PLEKHB1: variants seen among roughly 807,000 people sequenced by gnomAD.
The protein encoded by PLEKHB1 is pleckstrin homology domain containing B1.
In PLEKHB1, 29 loss-of-function variants were observed where a neutral mutation model predicts 36.2. That is an observed-to-expected ratio of 0.80 (90% confidence interval 0.60 to 1.09). The LOEUF (loss-of-function observed/expected upper bound fraction) is 1.09, where lower values mean the gene tolerates loss of function less well. PLEKHB1 is among the 50% of genes least tolerant of loss of function. The pLI is 0.00. For missense variants in PLEKHB1, 330 were observed against 348.2 expected, an observed-to-expected ratio of 0.95 and a Z score of 0.42; for synonymous variants, 138 against 140.0, an observed-to-expected ratio of 0.99 and a Z score of 0.10.
chr11:73,661,478 C>T lies in PLEKHB1; in HGVS notation c.608C>T (p.Thr203Met), dbSNP rs1247611215. Reference sequence around the variant, plus strand: ...TCTCCCTCTGCAGGCCCTGGCGTGACGCACGTGATAGTGCGGGAGGATCCC... The same window carrying T: ...TCTCCCTCTGCAGGCCCTGGCGTGATGCACGTGATAGTGCGGGAGGATCCC... Reference protein sequence around the residue: ...YGPPYAGPGVTHVIVREDPCY... With the variant: ...YGPPYAGPGVMHVIVREDPCY... The change falls in exon 8 of 8, where the codon ACG (threonine) becomes ATG (methionine). Residue 203 changes from threonine to methionine, a missense_variant. By Grantham distance (81) the Thr-to-Met change is moderately conservative. Transcript: ENST00000354190. The surrounding 1 kb of genome is among the most constrained non-coding windows in gnomAD (Gnocchi z 4.6). 66 of 1,613,816 alleles carry T rather than the reference C, an allele frequency of 4.1e-5. No individual in the cohort carries two copies. The highest frequency in any genetic ancestry group is 5.5e-5 in the Non-Finnish European group (65 of 1,179,776).
At chr11:73,654,481 C>G (rs925477270) in intron 5 of PLEKHB1, among the ~76,000 whole-genome samples, 12 of 152,182 alleles carry the variant, frequency 7.9e-5, no homozygotes, top group African/African-American at 2.9e-4. Flanking sequence ...TCCAACAACC[C>G]TGGCAGGGCA....
rs1327282691 is a variant in PLEKHB1 at position 73,650,757 on chromosome 11, C to G, written c.247+52C>G. 3.3e-6 allele frequency: 5 copies of G among 1,507,950 alleles called. No individual in the cohort carries two copies. The African/African-American group carries it at 7.0e-5, about 21-fold the overall frequency. 93.4% of individuals were successfully genotyped at this position (1,507,950 alleles called of 1,614,324 possible). Reference sequence around the variant, plus strand: ...CACCGTGACTGTGGGCAGAGCCTCCCGCTGTCTCCGAGAACACTTGCTGTT... The same window carrying G: ...CACCGTGACTGTGGGCAGAGCCTCCGGCTGTCTCCGAGAACACTTGCTGTT... On this transcript the variant is annotated intron_variant, in intron 3 of 7. Coordinates refer to ENST00000354190, the MANE Select transcript of PLEKHB1 (RefSeq NM_021200.3).
Position 73,661,572 on chromosome 11 carries a change from C to T in PLEKHB1, c.702C>T (p.Gly234=), listed in dbSNP as rs774786302. Residue 234 remains glycine, a synonymous_variant, in exon 8 of 8, where the codon GGC becomes GGT. Coordinates refer to ENST00000354190, the MANE Select transcript of PLEKHB1 (RefSeq NM_021200.3). The surrounding 1 kb of genome is among the most constrained non-coding windows in gnomAD (Gnocchi z 4.6). ...GAGCCGCCACTGGGGCGGCGCTGGGCTCGCTCATGTGGTCGCCCTGCTGGT... is the reference window on the plus strand; with the variant it reads ...GAGCCGCCACTGGGGCGGCGCTGGGTTCGCTCATGTGGTCGCCCTGCTGGT... ...LAGAATGAAL[G]SLMWSPCWF 1.1e-5 allele frequency: 17 copies of T among 1,604,246 alleles called. No individual in the cohort carries two copies. In the African/African-American group the frequency reaches 1.6e-4, roughly 15 times the overall value.
At chr11:73,648,755 A>C in intron 1 of PLEKHB1, 1 of 1,245,594 alleles carries the variant, frequency 8.0e-7, no homozygotes, top group Non-Finnish European at 1.0e-6. Flanking sequence ...GGCCAAAGTT[A>C]CCAAGCTGAG....
At chr11:73,654,777 C>T (rs36096952) in intron 5 of PLEKHB1, among the ~76,000 whole-genome samples, 7,160 of 152,216 alleles carry the variant, frequency 0.047, 248 homozygotes, top group South Asian at 0.1. Flanking sequence ...ATTCATGAGG[C>T]GAATGAAACA....
In PLEKHB1 at chr11:73,653,003, A is replaced by C; in HGVS notation, c.379A>C (p.Asn127His). The stretch of plus-strand genomic sequence containing the variant: ...ATGGAAGACAGCACTGCTGGAGGCA[A>C]ACTCCACCCCGGTGAGTCTCCCGTT... The part of the protein sequence containing the change: ...LAWKTALLEA[N>H]STPAPAGATV... The change falls in exon 5 of 8, where the codon AAC becomes CAC. Residue 127 changes from asparagine (N) to histidine (H), a missense_variant. By Grantham distance (68) the Asn-to-His change is moderately conservative. Coordinates refer to ENST00000354190, the MANE Select transcript of PLEKHB1 (RefSeq NM_021200.3). 6.2e-7 allele frequency: 1 copy of C among 1,609,614 alleles called. No individual in the cohort carries two copies. Among genetic ancestry groups the C allele is most frequent in the Non-Finnish European group, 8.5e-7 (1 of 1,176,942 alleles).
In PLEKHB1 at chr11:73,661,736, C is replaced by A; in HGVS notation, c.*134C>A. On this transcript the variant is annotated 3_prime_UTR_variant, in exon 8 of 8. Transcript: ENST00000354190. The surrounding 1 kb of genome is among the most constrained non-coding windows in gnomAD (Gnocchi z 4.6). ...TCCATTAGCTCCTTCCGGGTTTGGA[C>A]CATTCCCCCCACTCCCTACCCTTAA... 8.9e-7 allele frequency: 1 copy of A among 1,118,430 alleles called. No individual in the cohort carries two copies. Among genetic ancestry groups the A allele is most frequent in the Non-Finnish European group, 1.2e-6 (1 of 800,540 alleles). 69.3% of individuals were successfully genotyped at this position (1,118,430 alleles called of 1,614,324 possible).
intron 1 of PLEKHB1, chr11:73,647,781 T>C (rs1179776407): frequency 2.0e-6 from 2 of 982,904 alleles, no homozygotes; most frequent in Non-Finnish European, 2.4e-6. Context: ...AGTCTGCACC[T>C]GACCCTCTTG....
At chr11:73,659,932 A>G (rs1945069823) in intron 6 of PLEKHB1, among the ~76,000 whole-genome samples, 1 of 152,184 alleles carries the variant, frequency 6.6e-6, no homozygotes, top group Admixed American at 6.5e-5. Flanking sequence ...GCAGCCTAAC[A>G]ATTTTGGGTC....
intron 6 of PLEKHB1, among the ~76,000 whole-genome samples, chr11:73,658,840 C>T (rs1482199925): frequency 6.6e-6 from 1 of 152,204 alleles, no homozygotes; most frequent in Admixed American, 6.5e-5. Context: ...TGGTCTTGAA[C>T]TCCTGCATTC....
At chr11:73,649,222 C>A in intron 2 of PLEKHB1, 135 bp downstream of exon 2, 1 of 1,135,402 alleles carries the variant, frequency 8.8e-7, no homozygotes, top group Non-Finnish European at 1.2e-6. Flanking sequence ...TTCCCTCTGC[C>A]TGAAGGTCCT....
At chr11:73,650,756 C>A in intron 3 of PLEKHB1, 51 bp downstream of exon 3, 5 of 1,508,088 alleles carry the variant, frequency 3.3e-6, no homozygotes, top group Non-Finnish European at 4.4e-6. Flanking sequence ...GCAGAGCCTC[C>A]CGCTGTCTCC....
At position 73,647,587 on chromosome 11, in the gene PLEKHB1, G is replaced by T. The variant is rs1034654977; in HGVS notation, c.18+961G>T. 136 of 985,548 alleles carry T rather than the reference G, an allele frequency of 1.4e-4. 1 individual carries two copies. In the African/African-American group the frequency reaches 2.2e-3, roughly 16 times the overall value. 61.1% of individuals were successfully genotyped at this position (985,548 alleles called of 1,614,324 possible). On this transcript the variant is annotated intron_variant, in intron 1 of 7. Coordinates refer to ENST00000354190, the MANE Select transcript of PLEKHB1 (RefSeq NM_021200.3). ...GGGGTGGGCAGGTCCGGAGGGCGGG[G>T]CCCGGGGGCAGCTGGGCTCTCAGGC... is the stretch of plus-strand genomic sequence containing the variant.
At position 73,661,410 on chromosome 11, in the gene PLEKHB1, A is replaced by G; in HGVS notation, c.596-56A>G. 6.3e-7 allele frequency: 1 copy of G among 1,592,394 alleles called. No homozygotes were observed. Among genetic ancestry groups the G allele is most frequent in the Non-Finnish European group, 8.6e-7 (1 of 1,161,576 alleles). ...CTGGAGTGATGCAGGAAGGGTACGA[A>G]GATCACTCTACTCCCTCCTAAGTCG... On this transcript the variant is annotated intron_variant, in intron 7 of 7. Transcript: ENST00000354190. The surrounding 1 kb of genome is among the most constrained non-coding windows in gnomAD (Gnocchi z 4.6).
At chr11:73,657,851 G>T (rs140320829) in intron 6 of PLEKHB1, among the ~76,000 whole-genome samples, 2 of 152,184 alleles carry the variant, frequency 1.3e-5, no homozygotes, top group African/African-American at 4.8e-5. Context: ...AGGGAGCACC[G>T]TAGAGTTCAC....
Position 73,648,016 on chromosome 11 carries a change from T to C in PLEKHB1, c.19-996T>C, listed in dbSNP as rs623595. 0.025 allele frequency: 24,527 copies of C among 982,110 alleles called. 4,471 individuals carry two copies. In the African/African-American group the frequency reaches 0.39, roughly 16 times the overall value. 60.8% of individuals were successfully genotyped at this position (982,110 alleles called of 1,614,324 possible). The stretch of plus-strand genomic sequence containing the variant: ...TCATGTACATGGATGAGTCATTTGC[T>C]AACCCTCAGTTTGTCCATCTGTAAA... On this transcript the variant is annotated intron_variant, in intron 1 of 7. Coordinates refer to ENST00000354190, the MANE Select transcript of PLEKHB1 (RefSeq NM_021200.3).
At chr11:73,655,758 C>T (rs759831669) in intron 5 of PLEKHB1, 45 bp from the exon 6 acceptor site, 1 of 1,553,442 alleles carries the variant, frequency 6.4e-7, no homozygotes. Context: ...GCCTCTGACA[C>T]CCCCTCCCTC....
At chr11:73,651,916 G>A in intron 4 of PLEKHB1, 26 bp downstream of exon 4, 1 of 1,603,212 alleles carries the variant, frequency 6.2e-7, no homozygotes, top group Non-Finnish European at 8.5e-7. Context: ...GAGAGGATGG[G>A]GTGGAATCTC....
At chr11:73,649,715 G>C (rs1944848948) in intron 2 of PLEKHB1, among the ~76,000 whole-genome samples, 1 of 152,188 alleles carries the variant, frequency 6.6e-6, no homozygotes, top group African/African-American at 2.4e-5. Context: ...GTCATGACCT[G>C]AGCAAGAGCT....
Sources: allele counts gnomAD v4.1 joint callset (sites outside exome capture counted in the v4.1 genomes callset), GRCh38; gene constraint gnomAD v4.1.1; non-coding constraint Gnocchi (gnomAD v3.1); transcripts MANE v1.5; gene names NCBI Gene and HGNC (gene_info 2026-07-23, HGNC 2026-07-21).